TSC22D1: variants seen among roughly 807,000 people sequenced by gnomAD.
TSC22D1 encodes TSC22 domain family member 1.
TSC22D1 carries 9 observed loss-of-function variants against 74.2 expected under a neutral mutation model. The observed-to-expected ratio is 0.12, with a 90% CI of 0.07 to 0.21. The LOEUF is 0.21. TSC22D1 is among the 10% of genes least tolerant of loss of function. TSC22D1 has a pLI of 1.00. For missense variants in TSC22D1, 1,427 were observed against 1,304.7 expected (o/e 1.09, Z -1.44); for synonymous variants, 586 against 492.5 (o/e 1.19, Z -2.51).
At chr13:44,519,287 G>A (rs747266697) in intron 1 of TSC22D1, among the ~76,000 whole-genome samples, 3 of 151,946 alleles carry the variant, frequency 2.0e-5, no homozygotes, top group Non-Finnish European at 4.4e-5. Flanking sequence ...GAAAAATAAG[G>A]CTGACATCTT....
In TSC22D1 at chr13:44,515,533, G is replaced by A. The variant is rs182644048; in HGVS notation, c.2912+57630C>T. On this transcript the variant is annotated intron_variant, in intron 1 of 2. Transcript: ENST00000458659. Reference sequence around the variant, plus strand: ...GTTCTCTGCAGCCTCCACCTTCTGGGTTCAAGTGATTCTCCTACCTCAGAC... The same window carrying A: ...GTTCTCTGCAGCCTCCACCTTCTGGATTCAAGTGATTCTCCTACCTCAGAC... 1.7e-3 allele frequency among the ~76,000 whole-genome samples: 265 copies of A among 152,112 alleles called. 1 individual carries two copies. The highest frequency in any genetic ancestry group is 3.3e-3 in the Non-Finnish European group (226 of 68,018).
chr13:44,561,575 G>C (rs930929729), intron 1 of TSC22D1, among the ~76,000 whole-genome samples: 23 of 152,128 alleles, frequency 1.5e-4, no homozygotes, highest in African/African-American at 5.1e-4. Flanking sequence ...TTTGCTTAAT[G>C]TTTTCTCTAC....
chr13:44,536,803 T>C, intron 1 of TSC22D1: 1 of 984,298 alleles, frequency 1.0e-6, no homozygotes, highest in Admixed American at 6.2e-5. Context: ...TTCTGGAAAC[T>C]AATCAGGAAA....
At chr13:44,447,412 C>G (rs1158230365) in intron 1 of TSC22D1, among the ~76,000 whole-genome samples, 1 of 152,170 alleles carries the variant, frequency 6.6e-6, no homozygotes, top group Non-Finnish European at 1.5e-5. Flanking sequence ...TATTTTATAA[C>G]TAATTGTTCT....
chr13:44,437,254 G>A (rs2138855072), intron 1 of TSC22D1: 2 of 985,494 alleles, frequency 2.0e-6, no homozygotes, highest in Non-Finnish European at 2.4e-6. Context: ...TTTGTAACCC[G>A]AACCGTCTGA....
At chr13:44,491,916 T>C (rs1456989117) in intron 1 of TSC22D1, among the ~76,000 whole-genome samples, 1 of 152,224 alleles carries the variant, frequency 6.6e-6, no homozygotes, top group Non-Finnish European at 1.5e-5. Context: ...CTTCCGTGAT[T>C]CAGTTATTTC....
chr13:44,525,934 T>C (rs953686448), intron 1 of TSC22D1, among the ~76,000 whole-genome samples: 17 of 152,034 alleles, frequency 1.1e-4, no homozygotes, highest in Non-Finnish European at 1.3e-4. Flanking sequence ...AAAACCCATC[T>C]CTACAAAAAT....
At chr13:44,498,919 T>C (rs1410517213) in intron 1 of TSC22D1, among the ~76,000 whole-genome samples, 1 of 152,278 alleles carries the variant, frequency 6.6e-6, no homozygotes, top group Non-Finnish European at 1.5e-5. Flanking sequence ...ATCCTTCTTA[T>C]TAAAAAAACT....
chr13:44,576,145 A>T lies in TSC22D1; in HGVS notation c.-71T>A. The T allele has an allele frequency of 7.2e-7, 1 of 1,387,020 alleles. No homozygotes were observed. The highest frequency in any genetic ancestry group is 9.3e-7 in the Non-Finnish European group (1 of 1,073,334). The allele number at this position is 1,387,020 out of a possible 1,614,324, so 85.9% of individuals were successfully genotyped here. On this transcript the variant is annotated 5_prime_UTR_variant, in exon 1 of 3. Coordinates refer to ENST00000458659, the MANE Select transcript of TSC22D1 (RefSeq NM_183422.4). ...CTGCACCGTAATCTTTGTATTGGAGACGCCGGAGAGGAAAACGGGACCTGA... is the reference window on the plus strand; with the variant it reads ...CTGCACCGTAATCTTTGTATTGGAGTCGCCGGAGAGGAAAACGGGACCTGA...
intron 1 of TSC22D1, among the ~76,000 whole-genome samples, chr13:44,464,030 G>A (rs1595096901): frequency 6.6e-6 from 1 of 152,122 alleles, no homozygotes; most frequent in African/African-American, 2.4e-5. Flanking sequence ...TGGGATGATG[G>A]AAGCCCTAGC....
intron 1 of TSC22D1, among the ~76,000 whole-genome samples, chr13:44,443,744 T>C (rs1021031867): frequency 6.6e-6 from 1 of 152,094 alleles, no homozygotes; most frequent in African/African-American, 2.4e-5. Flanking sequence ...TACTACAATA[T>C]GTAGATGTAA....
At chr13:44,495,330 A>G (rs116272231) in intron 1 of TSC22D1, among the ~76,000 whole-genome samples, 1,762 of 151,766 alleles carry the variant, frequency 0.012, 30 homozygotes, top group African/African-American at 0.04. Flanking sequence ...CGGTAATTCT[A>G]TATCTGACAA....
intron 2 of TSC22D1, chr13:44,435,100 C>G (rs1874436690): frequency 4.0e-6 from 2 of 503,714 alleles, no homozygotes; most frequent in East Asian, 7.1e-5. Context: ...GTCTGTGCTT[C>G]TCTGCAGACG....
chr13:44,437,720 G>C (rs2138857130), intron 1 of TSC22D1, among the ~76,000 whole-genome samples: 1 of 152,288 alleles, frequency 6.6e-6, no homozygotes, highest in Admixed American at 6.5e-5. Flanking sequence ...CAAGCTGAGT[G>C]ACAATTCCTC....
intron 1 of TSC22D1, among the ~76,000 whole-genome samples, chr13:44,454,854 A>G (rs1005934646): frequency 1.1e-4 from 7 of 63,590 alleles, no homozygotes; most frequent in African/African-American, 3.0e-4. Flanking sequence ...CACTCTTATC[A>G]TAACAGATGC....
chr13:44,537,783 G>A (rs934444246), intron 1 of TSC22D1: 20 of 981,196 alleles, frequency 2.0e-5, no homozygotes, highest in Non-Finnish European at 2.4e-5. Flanking sequence ...TATAATTAAT[G>A]AGAAAAAAAT....
In TSC22D1 at chr13:44,502,204, G is replaced by A. The variant is rs539778599; in HGVS notation, c.2913-66109C>T. 7.2e-5 allele frequency among the ~76,000 whole-genome samples: 11 copies of A among 152,238 alleles called. No individual in the cohort carries two copies. The South Asian group carries it at 1.2e-3, about 17-fold the overall frequency. On this transcript the variant is annotated intron_variant, in intron 1 of 2. Coordinates refer to ENST00000458659, the MANE Select transcript of TSC22D1 (RefSeq NM_183422.4). ...GGATGCCTTCCTGATTGGTGAGTACGTTGTTGATTTTCCCAGTCCCATTTG... is the reference window on the plus strand; with the variant it reads ...GGATGCCTTCCTGATTGGTGAGTACATTGTTGATTTTCCCAGTCCCATTTG...
At chr13:44,503,053 A>G (rs2137987510) in intron 1 of TSC22D1, among the ~76,000 whole-genome samples, 1 of 152,354 alleles carries the variant, frequency 6.6e-6, no homozygotes, top group East Asian at 1.9e-4. Context: ...AAACAAAGAA[A>G]AGTGAATTCA....
At chr13:44,527,729 C>T (rs1484152422) in intron 1 of TSC22D1, among the ~76,000 whole-genome samples, 1 of 152,022 alleles carries the variant, frequency 6.6e-6, no homozygotes, top group Non-Finnish European at 1.5e-5. Context: ...CTTAAATACA[C>T]CAATTAAAAC....
Sources: gnomAD v4.1 joint callset for allele counts (sites outside exome capture counted in the v4.1 genomes callset) on GRCh38, gnomAD v4.1.1 for gene constraint, MANE v1.5 for transcripts, NCBI Gene and HGNC (gene_info 2026-07-23, HGNC 2026-07-21) for gene names.